The following ZNF462 variants were observed in gnomAD, a reference collection of about 807,000 sequenced individuals.
ZNF462 encodes zinc finger protein 462.
ZNF462 carries 10 observed loss-of-function variants against 201.9 expected under a neutral mutation model. The observed-to-expected ratio is 0.05, with a 90% CI of 0.03 to 0.08. The LOEUF is 0.08. ZNF462 is among the 10% of genes least tolerant of loss of function. The probability of loss-of-function intolerance (pLI) is 1.00; values close to 1 mark genes in which losing one functional copy is unlikely to be tolerated. For missense variants in ZNF462, 2,523 were observed against 3,168.3 expected (o/e 0.80, Z 4.89); for synonymous variants, 1,227 against 1,193.3 (o/e 1.03, Z -0.58).
chr9:106,896,068 C>T (rs1451311463), intron 1 of ZNF462, among the ~76,000 whole-genome samples: 1 of 152,112 alleles, frequency 6.6e-6, no homozygotes, highest in African/African-American at 2.4e-5. Context: ...GGAAACTGTA[C>T]CATAACAATC....
At position 106,927,444 on chromosome 9, in the gene ZNF462, C is replaced by A. The variant is rs369829073; in HGVS notation, c.3532C>A (p.Arg1178=). ...ACCCGCCCCCATACAACAGCTGAAC[C>A]GAAGCAGCTCTGAGAGAGATGGCCC... ...RPPAPIQQLN[R]SSSERDGPPV... Residue 1178 remains arginine (R), a synonymous_variant, in exon 3 of 13, where the codon CGA becomes AGA. Transcript: ENST00000277225. The A allele has an allele frequency of 8.0e-5, 129 of 1,613,852 alleles. No individual in the cohort carries two copies. The highest frequency in any genetic ancestry group is 1.0e-4 in the Non-Finnish European group (123 of 1,179,984).
intron 10 of ZNF462, among the ~76,000 whole-genome samples, chr9:106,987,321 T>C (rs1185022998): frequency 6.6e-6 from 1 of 152,134 alleles, no homozygotes; most frequent in Non-Finnish European, 1.5e-5. Flanking sequence ...CATGCCAGTA[T>C]CTACTGGATT....
Position 106,972,152 on chromosome 9 carries a change from A to G in ZNF462, c.6575A>G (p.His2192Arg). 6.2e-7 allele frequency: 1 copy of G among 1,614,236 alleles called. No individual in the cohort carries two copies. The highest frequency in any genetic ancestry group is 8.5e-7 in the Non-Finnish European group (1 of 1,180,046). ...GTEQKTEAVL[H>R]CEFCEFSSGY... is the part of the protein sequence containing the mutation. ...GAGCAGAAAACTGAAGCCGTGCTTC[A>G]CTGCGAATTCTGTGAATTCTCCTCC... The change falls in exon 8 of 13, where the codon CAC becomes CGC. Residue 2192 changes from histidine (H) to arginine (R), a missense_variant. His to Arg is a conservative substitution (Grantham distance 29). Coordinates refer to ENST00000277225, the MANE Select transcript of ZNF462 (RefSeq NM_021224.6). This position sits in a 1 kb window ranked among gnomAD's most constrained non-coding sequence, Gnocchi z 4.8.
chr9:106,916,560 G>T (rs1384543009), intron 1 of ZNF462, among the ~76,000 whole-genome samples: 3 of 152,180 alleles, frequency 2.0e-5, no homozygotes, highest in Non-Finnish European at 2.9e-5. Flanking sequence ...TTTGGGCGAG[G>T]TTTAGCTCTG....
chr9:106,974,381 C>T lies in ZNF462; in HGVS notation c.6832+108C>T. On this transcript the variant is annotated intron_variant, in intron 9 of 12. Coordinates refer to ENST00000277225, the MANE Select transcript of ZNF462 (RefSeq NM_021224.6). This position sits in a 1 kb window ranked among gnomAD's most constrained non-coding sequence, Gnocchi z 4.0. ...GCAGTAGCACCTGTGCCTTGTTCCT[C>T]ACCTTATCTTCAGGCAAGAAACCAC... The T allele has an allele frequency of 6.5e-7, 1 of 1,531,072 alleles. No homozygotes were observed. The highest frequency in any genetic ancestry group is 9.0e-7 in the Non-Finnish European group (1 of 1,105,568). The allele number at this position is 1,531,072 out of a possible 1,614,324, so 94.8% of individuals were successfully genotyped here. A position where few individuals can be genotyped will look rare whatever the true frequency, so the allele number is the denominator to read the frequency against.
At chr9:106,992,333 G>A (rs1828349691) in intron 10 of ZNF462, among the ~76,000 whole-genome samples, 1 of 152,016 alleles carries the variant, frequency 6.6e-6, no homozygotes, top group African/African-American at 2.4e-5. Context: ...AAATTAAGAA[G>A]GCTGATAGTA....
chr9:106,884,431 G>C (rs1828231471), intron 1 of ZNF462, among the ~76,000 whole-genome samples: 1 of 152,052 alleles, frequency 6.6e-6, no homozygotes, highest in Non-Finnish European at 1.5e-5. Flanking sequence ...AGCACCTTAA[G>C]GGTACTGTAT....
chr9:106,915,569 G>T lies in ZNF462; in HGVS notation c.-30-7785G>T, dbSNP rs541248265. Among the ~76,000 whole-genome samples the T allele has an allele frequency of 5.9e-5, 9 of 152,290 alleles. No individual in the cohort carries two copies. The South Asian group carries it at 8.3e-4, about 14-fold the overall frequency. On this transcript the variant is annotated intron_variant, in intron 1 of 12. Coordinates refer to ENST00000277225, the MANE Select transcript of ZNF462 (RefSeq NM_021224.6). ...ATATGGATGTTTCTCCTGCTATAAG[G>T]TTGCATTAATTTGTTGAAGCAAGGG...
rs1411393075 is a variant in ZNF462, at chr9:106,865,062, G to A, written c.-31+1707G>A. On this transcript the variant is annotated intron_variant, in intron 1 of 12. Transcript: ENST00000277225. This position sits in a 1 kb window ranked among gnomAD's most constrained non-coding sequence, Gnocchi z 4.1. ...TGCCTACTCCTTCTCTCTTTCCAGAGGGAAACCTTGTGGTGGTTCCTCACT... is the reference window on the plus strand; with the variant it reads ...TGCCTACTCCTTCTCTCTTTCCAGAAGGAAACCTTGTGGTGGTTCCTCACT... Among the ~76,000 whole-genome samples the A allele has an allele frequency of 1.3e-5, 2 of 152,122 alleles. No homozygotes were observed. The highest frequency in any genetic ancestry group is 2.4e-5 in the African/African-American group (1 of 41,426).
chr9:106,974,301 A>C lies in ZNF462; in HGVS notation c.6832+28A>C. 1 of 1,614,004 alleles carries C rather than the reference A, an allele frequency of 6.2e-7. No homozygotes were observed. The highest frequency in any genetic ancestry group is 8.5e-7 in the Non-Finnish European group (1 of 1,179,900). On this transcript the variant is annotated intron_variant, in intron 9 of 12. Coordinates refer to ENST00000277225, the MANE Select transcript of ZNF462 (RefSeq NM_021224.6). This position sits in a 1 kb window ranked among gnomAD's most constrained non-coding sequence, Gnocchi z 4.0. Reference sequence around the variant, plus strand: ...AACCTTTCTAACTTGGTTTTCTTGGATGCAGCGGGGGGCAGGCAGCAGAGA... The same window carrying C: ...AACCTTTCTAACTTGGTTTTCTTGGCTGCAGCGGGGGGCAGGCAGCAGAGA...
Position 106,924,782 on chromosome 9 carries a change from C to T in ZNF462, c.870C>T (p.Asn290=). Residue 290 remains asparagine (N), a synonymous_variant, in exon 3 of 13, where the codon AAC becomes AAT. Transcript: ENST00000277225. This position sits in a 1 kb window ranked among gnomAD's most constrained non-coding sequence, Gnocchi z 6.2. ...GAACTAATCTACCTGATGTGCCGAACAAGAGTGCCCCCAGCCCCACTTCCA... is the reference window on the plus strand; with the variant it reads ...GAACTAATCTACCTGATGTGCCGAATAAGAGTGCCCCCAGCCCCACTTCCA... ...QEGTNLPDVP[N]KSAPSPTSNS... 1 of 1,614,178 alleles carries T rather than the reference C, an allele frequency of 6.2e-7. No homozygotes were observed. The highest frequency in any genetic ancestry group is 8.5e-7 in the Non-Finnish European group (1 of 1,180,034).
rs553746582 is a variant in ZNF462, at chr9:106,966,301, AT to A, written c.6428-5696del. ...TTCTTTACCCTAGGGAAATTAAGTC[AT>A]TTTTTTTCATTGTGATAATAATGTA... On this transcript the variant is annotated intron_variant, in intron 7 of 12. Coordinates refer to ENST00000277225, the MANE Select transcript of ZNF462 (RefSeq NM_021224.6). The surrounding 1 kb of genome is among the most constrained non-coding windows in gnomAD (Gnocchi z 4.4). Among the ~76,000 whole-genome samples, 13 of 151,702 alleles carry A rather than the reference AT, an allele frequency of 8.6e-5. No homozygotes were observed. The highest frequency in any genetic ancestry group is 2.9e-4 in the African/African-American group (12 of 41,304).
chr9:106,990,693 T>A (rs1828201031), intron 10 of ZNF462, among the ~76,000 whole-genome samples: 1 of 152,184 alleles, frequency 6.6e-6, no homozygotes, highest in Admixed American at 6.5e-5. Context: ...GAATTGCGAC[T>A]TCCTGCATGC....
chr9:106,935,259 T>TA lies in ZNF462; in HGVS notation c.6117-243dup, dbSNP rs1167317530. Among the ~76,000 whole-genome samples, 2 of 151,942 alleles carry TA rather than the reference T, an allele frequency of 1.3e-5. No individual in the cohort carries two copies. The highest frequency in any genetic ancestry group is 4.9e-5 in the African/African-American group (2 of 41,214). On this transcript the variant is annotated intron_variant, in intron 5 of 12. Coordinates refer to ENST00000277225, the MANE Select transcript of ZNF462 (RefSeq NM_021224.6). This position sits in a 1 kb window ranked among gnomAD's most constrained non-coding sequence, Gnocchi z 4.1. ...AATAAAGATTCTTACCATGACCTGT[T>TA]ACCACTGCCATATCTCTAAATCCAA...
chr9:106,863,356 G>GT lies in ZNF462; in HGVS notation c.-31+2dup. On this transcript the variant is annotated splice_donor_variant, in intron 1 of 12. Transcript: ENST00000277225. LOFTEE classifies it low-confidence loss of function (5UTR_SPLICE). ...CTCCCGGCGCCGGGACGCTTCTTCT[G>GT]TAAGTTACTGCAATTAACAACCACC... 2.5e-6 allele frequency: 1 copy of GT among 396,120 alleles called. No homozygotes were observed. The highest frequency in any genetic ancestry group is 4.5e-6 in the Non-Finnish European group (1 of 224,642). 24.5% of individuals were successfully genotyped at this position (396,120 alleles called of 1,614,324 possible). A position where few individuals can be genotyped will look rare whatever the true frequency, so the allele number is the denominator to read the frequency against.
chr9:106,955,474 T>G (rs1437608537), intron 7 of ZNF462, among the ~76,000 whole-genome samples: 1 of 152,202 alleles, frequency 6.6e-6, no homozygotes, highest in Non-Finnish European at 1.5e-5. Context: ...TTTGCCTTGA[T>G]GTTGGTGGCT....
At chr9:106,866,897 C>A (rs1827356965) in intron 1 of ZNF462, among the ~76,000 whole-genome samples, 1 of 152,128 alleles carries the variant, frequency 6.6e-6, no homozygotes, top group Non-Finnish European at 1.5e-5. Context: ...GATCTTGAAA[C>A]AAACTTTCAT....
At chr9:106,988,843 C>A (rs1453429193) in intron 10 of ZNF462, among the ~76,000 whole-genome samples, 1 of 152,000 alleles carries the variant, frequency 6.6e-6, no homozygotes, top group Non-Finnish European at 1.5e-5. Context: ...CCACTGGTCG[C>A]TGTTGATGTA....
In ZNF462 at chr9:106,917,571, T is replaced by C. The variant is rs1378620097; in HGVS notation, c.-30-5783T>C. On this transcript the variant is annotated intron_variant, in intron 1 of 12. Coordinates refer to ENST00000277225, the MANE Select transcript of ZNF462 (RefSeq NM_021224.6). The surrounding 1 kb of genome is among the most constrained non-coding windows in gnomAD (Gnocchi z 4.5). ...GATTGCAAATTAATCCTTTCTCTTCTGAAAATTTGGTTTTGAAGAACAGCT... is the reference window on the plus strand; with the variant it reads ...GATTGCAAATTAATCCTTTCTCTTCCGAAAATTTGGTTTTGAAGAACAGCT... Among the ~76,000 whole-genome samples the C allele has an allele frequency of 6.6e-6, 1 of 152,222 alleles. No homozygotes were observed. The highest frequency in any genetic ancestry group is 1.5e-5 in the Non-Finnish European group (1 of 68,040).
Sources: allele counts gnomAD v4.1 joint callset (sites outside exome capture counted in the v4.1 genomes callset), GRCh38; gene constraint gnomAD v4.1.1; non-coding constraint Gnocchi (gnomAD v3.1); transcripts MANE v1.5; gene names NCBI Gene and HGNC (gene_info 2026-07-23, HGNC 2026-07-21).